Variants in TNPO3 observed in about 807,000 individuals in gnomAD.
TNPO3 encodes transportin 3, also known as transportin-3.
A neutral mutation model predicts 122.8 loss-of-function variants in TNPO3; 65 were observed. The ratio of observed to expected loss-of-function variants is 0.53; its 90% CI spans 0.43 to 0.65. TNPO3 has a LOEUF of 0.65. TNPO3 is among the 30% of genes least tolerant of loss of function. The pLI, the probability that TNPO3 is intolerant of heterozygous loss-of-function variation, is 0.00. For synonymous variants in TNPO3, 372 were observed against 411.2 expected, an observed-to-expected ratio of 0.90 and a Z score of 1.15; for missense variants, 850 against 1,136.7, an observed-to-expected ratio of 0.75 and a Z score of 3.63.
intron 17 of TNPO3, 146 bp from the exon 18 acceptor site, chr7:128,975,108 G>C: frequency 3.1e-6 from 2 of 653,484 alleles, no homozygotes; most frequent in Non-Finnish European, 5.2e-6. Flanking sequence ...ATGAGAATCT[G>C]ATCAGGAAAA....
At chr7:128,980,982 C>A (rs993644254) in intron 14 of TNPO3, among the ~76,000 whole-genome samples, 26 of 151,620 alleles carry the variant, frequency 1.7e-4, no homozygotes, top group African/African-American at 5.1e-4. Flanking sequence ...GAAAAAAAAA[C>A]CACACATAAT....
At position 128,955,402 on chromosome 7, in the gene TNPO3, G is replaced by A. The variant is rs1023573801; in HGVS notation, c.*32-17C>T. On this transcript the variant is annotated splice_polypyrimidine_tract_variant and intron_variant, in intron 22 of 22. Transcript: ENST00000265388. The stretch of plus-strand genomic sequence containing the variant: ...AAGACATTCCTGACAAAAGAGATAA[G>A]ACAGTCAATAACTGCACCAGAAAAT... The A allele has an allele frequency of 3.1e-5, 14 of 453,778 alleles. No individual in the cohort carries two copies. The highest frequency in any genetic ancestry group is 6.2e-5 in the Non-Finnish European group (14 of 225,882). The allele number at this position is 453,778 out of a possible 1,614,324, so 28.1% of individuals were successfully genotyped here.
intron 8 of TNPO3, among the ~76,000 whole-genome samples, chr7:128,996,050 A>G (rs1334048943): frequency 6.6e-6 from 1 of 152,218 alleles, no homozygotes; most frequent in Non-Finnish European, 1.5e-5. Flanking sequence ...GAAAACCACC[A>G]GACTAAATCA....
At chr7:128,959,952 T>C (rs1585318899) in intron 21 of TNPO3, among the ~76,000 whole-genome samples, 1 of 151,662 alleles carries the variant, frequency 6.6e-6, no homozygotes, top group Admixed American at 6.6e-5. Context: ...ACCCAGGGGG[T>C]GGAGGTTGCA....
At chr7:129,018,397 T>C (rs1804079909) in intron 1 of TNPO3, among the ~76,000 whole-genome samples, 1 of 152,174 alleles carries the variant, frequency 6.6e-6, no homozygotes, top group Non-Finnish European at 1.5e-5. Flanking sequence ...TCAGTTAAAT[T>C]AGTAGATACA....
At chr7:128,984,484 A>G (rs538116082) in intron 12 of TNPO3, among the ~76,000 whole-genome samples, 1 of 152,348 alleles carries the variant, frequency 6.6e-6, no homozygotes, top group Non-Finnish European at 1.5e-5. Context: ...TTACAACTGA[A>G]GTTAATATTT....
chr7:129,017,849 T>G (rs1201489016), intron 2 of TNPO3, 108 bp downstream of exon 2: 2 of 1,053,740 alleles, frequency 1.9e-6, no homozygotes, highest in Admixed American at 4.2e-5. Context: ...GCAGTACATC[T>G]GTAATGAAGT....
intron 1 of TNPO3, among the ~76,000 whole-genome samples, chr7:129,038,077 T>A (rs867704560): frequency 5.9e-5 from 9 of 151,418 alleles, no homozygotes; most frequent in Non-Finnish European, 1.2e-4. Flanking sequence ...ATACTCAAAC[T>A]CCTGAAAACC....
intron 1 of TNPO3, among the ~76,000 whole-genome samples, chr7:129,020,703 A>G (rs1250070396): frequency 1.3e-5 from 2 of 152,168 alleles, no homozygotes; most frequent in African/African-American, 4.8e-5. Flanking sequence ...GGCCTCCCAA[A>G]GTGCTGGGAT....
intron 19 of TNPO3, among the ~76,000 whole-genome samples, 195 bp from the exon 20 acceptor site, chr7:128,970,510 A>G (rs1184416266): frequency 6.6e-6 from 1 of 152,186 alleles, no homozygotes; most frequent in Non-Finnish European, 1.5e-5. Context: ...TTTTGTCTTT[A>G]GAAAGAAAAT....
intron 7 of TNPO3, among the ~76,000 whole-genome samples, chr7:128,997,911 C>G (rs1801503610): frequency 6.6e-6 from 1 of 152,010 alleles, no homozygotes; most frequent in Non-Finnish European, 1.5e-5. Context: ...GAACACAGTT[C>G]ACTGCTGCCT....
At chr7:129,021,768 G>A (rs944716134) in intron 1 of TNPO3, among the ~76,000 whole-genome samples, 5 of 152,080 alleles carry the variant, frequency 3.3e-5, no homozygotes, top group Non-Finnish European at 7.4e-5. Context: ...TTAAGAAAAT[G>A]ATACAAGATA....
At chr7:128,991,621 C>T (rs1219646632) in intron 10 of TNPO3, among the ~76,000 whole-genome samples, 1 of 151,988 alleles carries the variant, frequency 6.6e-6, no homozygotes, top group African/African-American at 2.4e-5. Flanking sequence ...AATAACTTAC[C>T]CAAGGTCACA....
intron 1 of TNPO3, among the ~76,000 whole-genome samples, chr7:129,039,251 C>T (rs1171003289): frequency 2.0e-5 from 3 of 152,068 alleles, no homozygotes; most frequent in East Asian, 3.9e-4. Flanking sequence ...GGATGCCATT[C>T]CTTGAAAGGT....
chr7:128,987,163 C>T (rs1458991532), intron 11 of TNPO3, among the ~76,000 whole-genome samples: 1 of 152,154 alleles, frequency 6.6e-6, no homozygotes, highest in African/African-American at 2.4e-5. Flanking sequence ...GGGCAGTCAA[C>T]GTTAACTCCC....
At chr7:128,962,813 G>GT (rs5887399) in intron 21 of TNPO3, among the ~76,000 whole-genome samples, 81,415 of 150,516 alleles carry the variant, frequency 0.54, 22,733 homozygotes, top group South Asian at 0.61. Flanking sequence ...AAGATAACAG[G>GT]TTTTTTTTTT....
chr7:129,000,681 G>T, intron 6 of TNPO3, 114 bp from the exon 7 acceptor site: 1 of 1,041,000 alleles, frequency 9.6e-7, no homozygotes, highest in Non-Finnish European at 1.4e-6. Context: ...GACATCTAGT[G>T]ATTATTTACT....
intron 1 of TNPO3, chr7:129,041,463 C>CT (rs2150536040): frequency 1.2e-6 from 1 of 810,394 alleles, no homozygotes; most frequent in African/African-American, 1.9e-5. Context: ...GCTCATTGTT[C>CT]TTCCCCTCTG....
intron 1 of TNPO3, chr7:129,029,650 A>C (rs1281198518): frequency 6.6e-6 from 1 of 151,944 alleles, no homozygotes; most frequent in Non-Finnish European, 1.5e-5. Context: ...TTTCCACCAG[A>C]CTCTAGAGTG....
Sources: gnomAD v4.1 joint callset for allele counts (sites outside exome capture counted in the v4.1 genomes callset) on GRCh38, gnomAD v4.1.1 for gene constraint, MANE v1.5 for transcripts, NCBI Gene and HGNC (gene_info 2026-07-23, HGNC 2026-07-21) for gene names.